The following PTPRR variants were observed in gnomAD, a reference collection of about 807,000 sequenced individuals.
PTPRR encodes protein tyrosine phosphatase receptor type R.
A neutral mutation model predicts 77.2 loss-of-function variants in PTPRR; 38 were observed. The observed-to-expected ratio is 0.49, with a 90% CI of 0.38 to 0.65. The LOEUF is 0.65. Among genes scored for constraint, PTPRR ranks in the 30% least tolerant of loss-of-function variants. The pLI is 0.00. For synonymous variants in PTPRR, 299 were observed against 283.1 expected (o/e 1.06, Z -0.57); for missense variants, 744 against 799.2 (o/e 0.93, Z 0.83).
intron 2 of PTPRR, among the ~76,000 whole-genome samples, chr12:70,770,046 C>G (rs1412621955): frequency 2.6e-5 from 4 of 151,652 alleles, no homozygotes; most frequent in Non-Finnish European, 4.4e-5. Flanking sequence ...GACCTAAAAC[C>G]ATAAAAACCC....
intron 6 of PTPRR, among the ~76,000 whole-genome samples, chr12:70,730,475 T>C (rs576034555): frequency 6.6e-6 from 1 of 151,828 alleles, no homozygotes; most frequent in African/African-American, 2.4e-5. Context: ...CATGCCACTG[T>C]GCTCCAGCCT....
intron 2 of PTPRR, among the ~76,000 whole-genome samples, chr12:70,781,445 G>A (rs1181892372): frequency 1.3e-5 from 2 of 152,186 alleles, no homozygotes; most frequent in African/African-American, 2.4e-5. Context: ...ATAATTGGAA[G>A]CCTTCAAGTC....
chr12:70,768,331 C>T (rs1890879878), intron 2 of PTPRR, among the ~76,000 whole-genome samples: 1 of 152,138 alleles, frequency 6.6e-6, no homozygotes, highest in Admixed American at 6.5e-5. Flanking sequence ...GGGGATATCA[C>T]CATCGATCCC....
At chr12:70,851,410 A>G (rs1242525252) in intron 2 of PTPRR, among the ~76,000 whole-genome samples, 2 of 152,128 alleles carry the variant, frequency 1.3e-5, no homozygotes, top group African/African-American at 2.4e-5. Context: ...AATCAGAAAA[A>G]CGTTTTGGGT....
At chr12:70,730,042 T>A (rs1889597464) in intron 6 of PTPRR, among the ~76,000 whole-genome samples, 1 of 152,196 alleles carries the variant, frequency 6.6e-6, no homozygotes, top group Non-Finnish European at 1.5e-5. Context: ...AAACTATTAT[T>A]GACATTGTGT....
At chr12:70,794,657 C>A (rs1216452361) in intron 2 of PTPRR, among the ~76,000 whole-genome samples, 1 of 152,180 alleles carries the variant, frequency 6.6e-6, no homozygotes, top group Non-Finnish European at 1.5e-5. Flanking sequence ...AGAGCTTCAG[C>A]CCAGAGGGCC....
chr12:70,843,808 A>ATTTTT (rs201003875), intron 2 of PTPRR, among the ~76,000 whole-genome samples: 7 of 124,672 alleles, frequency 5.6e-5, no homozygotes, highest in Admixed American at 8.6e-5. Flanking sequence ...GTTGCTGAAA[A>ATTTTT]TTTTTTTTTT....
intron 2 of PTPRR, among the ~76,000 whole-genome samples, chr12:70,821,011 T>C (rs1749687514): frequency 6.6e-6 from 1 of 152,162 alleles, no homozygotes; most frequent in Non-Finnish European, 1.5e-5. Context: ...AAGTTTTTCT[T>C]ACTGTTTTAA....
chr12:70,805,019 G>A (rs1342153108), intron 2 of PTPRR, among the ~76,000 whole-genome samples: 1 of 152,088 alleles, frequency 6.6e-6, no homozygotes, highest in Non-Finnish European at 1.5e-5. Flanking sequence ...ACACGAACGA[G>A]ATAGTATATA....
intron 2 of PTPRR, among the ~76,000 whole-genome samples, chr12:70,815,202 G>A (rs1332724547): frequency 6.7e-6 from 1 of 150,308 alleles, no homozygotes; most frequent in East Asian, 1.9e-4. Context: ...AAAAATGCAG[G>A]GGACAGGATT....
intron 13 of PTPRR, among the ~76,000 whole-genome samples, chr12:70,646,897 A>AT (rs1886220117): frequency 6.6e-6 from 1 of 152,182 alleles, no homozygotes; most frequent in African/African-American, 2.4e-5. Context: ...GACATATATT[A>AT]GCCTTGGAAA....
At chr12:70,782,588 G>A (rs377053077) in intron 2 of PTPRR, among the ~76,000 whole-genome samples, 1 of 151,438 alleles carries the variant, frequency 6.6e-6, no homozygotes, top group South Asian at 2.1e-4. Context: ...CTATCACAAG[G>A]ACAAAAAACC....
chr12:70,827,870 A>ACCACTACAC (rs1892142569), intron 2 of PTPRR, among the ~76,000 whole-genome samples: 1 of 151,536 alleles, frequency 6.6e-6, no homozygotes, highest in Admixed American at 6.6e-5. Context: ...ACAGGCGCCC[A>ACCACTACAC]CCACTACACC....
chr12:70,690,276 T>C (rs1056017019), intron 8 of PTPRR, among the ~76,000 whole-genome samples: 5 of 152,188 alleles, frequency 3.3e-5, no homozygotes, highest in African/African-American at 9.7e-5. Context: ...TAATAGTATA[T>C]ATAAGTTTTC....
At chr12:70,862,479 C>T (rs1892769301) in intron 2 of PTPRR, among the ~76,000 whole-genome samples, 2 of 150,768 alleles carry the variant, frequency 1.3e-5, no homozygotes, top group African/African-American at 4.9e-5. Flanking sequence ...TCTCAGTAAA[C>T]TATCACAAGA....
At chr12:70,748,096 C>T (rs540592366) in intron 5 of PTPRR, among the ~76,000 whole-genome samples, 25 of 152,202 alleles carry the variant, frequency 1.6e-4, no homozygotes, top group African/African-American at 6.0e-4. Flanking sequence ...CACACCCCCG[C>T]CAACAGAAAT....
chr12:70,752,584 T>A (rs1386447254), intron 5 of PTPRR, among the ~76,000 whole-genome samples: 1 of 152,208 alleles, frequency 6.6e-6, no homozygotes, highest in Non-Finnish European at 1.5e-5. Flanking sequence ...TCTGCTGCCC[T>A]TTAGTACTCA....
At chr12:70,761,668 A>G (rs1309694599) in intron 3 of PTPRR, 42 bp from the exon 4 acceptor site, 1 of 1,442,340 alleles carries the variant, frequency 6.9e-7, no homozygotes, top group East Asian at 2.4e-5. Context: ...AGACATTTTA[A>G]ACAACTTTGG....
chr12:70,908,146 G>A (rs1233937904), intron 1 of PTPRR, among the ~76,000 whole-genome samples: 2 of 152,126 alleles, frequency 1.3e-5, no homozygotes, highest in Non-Finnish European at 2.9e-5. Flanking sequence ...GGAAAAAAAA[G>A]TGTCTGTTTT....
Sources: allele counts gnomAD v4.1 joint callset (sites outside exome capture counted in the v4.1 genomes callset), GRCh38; gene constraint gnomAD v4.1.1; transcripts MANE v1.5; gene names NCBI Gene and HGNC (gene_info 2026-07-23, HGNC 2026-07-21).